The following KCNK2 variants were observed in gnomAD, a reference collection of about 807,000 sequenced individuals.
The protein encoded by KCNK2 is potassium two pore domain channel subfamily K member 2.
In KCNK2, 21 loss-of-function variants were observed where a neutral mutation model predicts 40.5. The observed-to-expected ratio is 0.52, with a 90% CI of 0.37 to 0.75. The LOEUF is 0.75. KCNK2 is among the 30% of genes least tolerant of loss of function. KCNK2 has a pLI of 0.00. For missense variants in KCNK2, 399 were observed against 531.6 expected, an observed-to-expected ratio of 0.75 and a Z score of 2.45; for synonymous variants, 191 against 202.2, an observed-to-expected ratio of 0.94 and a Z score of 0.47.
chr1:215,067,698 T>C (rs954960143), intron 1 of KCNK2, among the ~76,000 whole-genome samples: 8 of 152,010 alleles, frequency 5.3e-5, no homozygotes, highest in African/African-American at 1.2e-4. Context: ...ACCCCGTCTC[T>C]ACTAAAAAAA....
At chr1:215,007,131 G>GTGTATATATATATGTATGTATATATGTA (rs1256397862) in intron 1 of KCNK2, among the ~76,000 whole-genome samples, 1 of 114,930 alleles carries the variant, frequency 8.7e-6, no homozygotes, top group East Asian at 2.5e-4. Flanking sequence ...GTATATATAT[G>GTGTATATATATATGTATGTATATATGTA]TGTATATATA....
chr1:215,172,683 G>A (rs141233765), intron 5 of KCNK2, among the ~76,000 whole-genome samples: 5 of 152,090 alleles, frequency 3.3e-5, no homozygotes, highest in African/African-American at 1.2e-4. Context: ...TTGAGATAGA[G>A]TCTTGCTCTG....
At chr1:215,009,253 G>A (rs1259407786) in intron 1 of KCNK2, among the ~76,000 whole-genome samples, 4 of 152,032 alleles carry the variant, frequency 2.6e-5, no homozygotes, top group Non-Finnish European at 5.9e-5. Context: ...AAGCACTTGG[G>A]CAGAACCACC....
At chr1:215,204,139 C>T (rs1665209503) in intron 6 of KCNK2, among the ~76,000 whole-genome samples, 1 of 146,752 alleles carries the variant, frequency 6.8e-6, no homozygotes, top group Non-Finnish European at 1.5e-5. Flanking sequence ...ATTAGACCCA[C>T]ACATTTTCTA....
At chr1:215,176,241 A>T (rs1027624058) in intron 5 of KCNK2, among the ~76,000 whole-genome samples, 3 of 152,106 alleles carry the variant, frequency 2.0e-5, no homozygotes, top group African/African-American at 7.2e-5. Flanking sequence ...TTCTCTGATG[A>T]TTAGTGATGT....
intron 6 of KCNK2, among the ~76,000 whole-genome samples, chr1:215,201,292 A>G (rs1665070965): frequency 6.6e-6 from 1 of 152,210 alleles, no homozygotes; most frequent in African/African-American, 2.4e-5. Context: ...GGCTAACATA[A>G]TAACATAAAA....
intron 1 of KCNK2, among the ~76,000 whole-genome samples, chr1:215,013,745 T>C (rs997894340): frequency 6.6e-5 from 10 of 152,210 alleles, no homozygotes; most frequent in Non-Finnish European, 1.2e-4. Flanking sequence ...TAAATATATG[T>C]TGGATTGATT....
intron 3 of KCNK2, among the ~76,000 whole-genome samples, chr1:215,125,218 CT>C (rs912050481): frequency 6.6e-6 from 1 of 151,318 alleles, no homozygotes; most frequent in Non-Finnish European, 1.5e-5. Context: ...TACTTCAGGG[CT>C]TTTTTTTTAT....
rs751828549 is a variant in KCNK2, at chr1:215,234,878, C to T, written c.1014C>T (p.Ala338=). Reference sequence around the variant, plus strand: ...CTGAGTGGACAGCCAACGTCACAGCCGAATTCAAAGAAACCAGGAGGCGAC... The same window carrying T: ...CTGAGTGGACAGCCAACGTCACAGCTGAATTCAAAGAAACCAGGAGGCGAC... ...HAAEWTANVT[A]EFKETRRRLS... The change falls in exon 7 of 7, where the codon GCC becomes GCT. Residue 338 remains alanine (A), a synonymous_variant. Transcript: ENST00000444842. 3.8e-5 allele frequency: 62 copies of T among 1,613,952 alleles called. No homozygotes were observed. In the South Asian group the frequency reaches 4.3e-4, roughly 11 times the overall value.
chr1:215,210,281 C>G (rs1369268819), intron 6 of KCNK2, among the ~76,000 whole-genome samples: 1 of 151,206 alleles, frequency 6.6e-6, no homozygotes, highest in Non-Finnish European at 1.5e-5. Flanking sequence ...TTAACTTAAA[C>G]ACAACTTTGG....
chr1:215,079,337 A>C (rs1166582521), upstream of KCNK2, among the ~76,000 whole-genome samples: 7 of 152,176 alleles, frequency 4.6e-5, no homozygotes, highest in Non-Finnish European at 1.0e-4. Context: ...TTCAGGCTGT[A>C]CAGGCAGCAT....
At chr1:215,060,366 ATCC>A (rs1395534703) in intron 1 of KCNK2, among the ~76,000 whole-genome samples, 1 of 152,210 alleles carries the variant, frequency 6.6e-6, no homozygotes, top group Admixed American at 6.5e-5. Flanking sequence ...AGTTGATTCT[ATCC>A]TCCTGCCACC....
intron 1 of KCNK2, among the ~76,000 whole-genome samples, chr1:215,007,027 A>ATGTGTGTG (rs1398954474): frequency 1.2e-4 from 7 of 56,160 alleles, no homozygotes; most frequent in South Asian, 4.3e-4. Context: ...ATATATATAT[A>ATGTGTGTG]TATATATATA....
intron 3 of KCNK2, among the ~76,000 whole-genome samples, chr1:215,168,102 A>T (rs1012022673): frequency 5.3e-5 from 8 of 152,230 alleles, no homozygotes; most frequent in African/African-American, 1.4e-4. Flanking sequence ...GCCAAAAAAC[A>T]TATGAAAAAC....
At chr1:215,214,078 G>A (rs1665857559) in intron 6 of KCNK2, among the ~76,000 whole-genome samples, 1 of 152,032 alleles carries the variant, frequency 6.6e-6, no homozygotes, top group African/African-American at 2.4e-5. Context: ...TTTATCCATG[G>A]TTGGCGTCGT....
At chr1:215,165,622 C>T (rs949059661) in intron 3 of KCNK2, among the ~76,000 whole-genome samples, 1 of 152,060 alleles carries the variant, frequency 6.6e-6, no homozygotes, top group African/African-American at 2.4e-5. Flanking sequence ...GCACTTTTCA[C>T]ATAGTACTTT....
In KCNK2 at chr1:215,086,349, C is replaced by T. The variant is rs760014648; in HGVS notation, c.47-19C>T. ...TTCTCATCTCCTCCAACCTAACCCT[C>T]ATTCTCTGTTGTTGTCAGTGGCGGC... On this transcript the variant is annotated intron_variant, in intron 1 of 6. Transcript: ENST00000444842. 2 of 1,604,974 alleles carry T rather than the reference C, an allele frequency of 1.2e-6. No individual in the cohort carries two copies. The highest frequency in any genetic ancestry group is 2.2e-5 in the East Asian group (1 of 44,830).
At chr1:215,035,217 G>A (rs1433371799) in intron 1 of KCNK2, among the ~76,000 whole-genome samples, 1 of 152,084 alleles carries the variant, frequency 6.6e-6, no homozygotes. Context: ...ACATTTGTAA[G>A]AGTTGTTTGT....
Position 215,235,349 on chromosome 1 carries a change from A to C in KCNK2, c.*204A>C. ...TCTGATGATGCTTGTTGAACGGTCC[A>C]CTTTCTTTGATGAGTGGAATGACAA... is the stretch of plus-strand genomic sequence containing the variant. On this transcript the variant is annotated 3_prime_UTR_variant, in exon 7 of 7. Coordinates refer to ENST00000444842, the MANE Select transcript of KCNK2 (RefSeq NM_001017425.3). 1 of 507,348 alleles carries C rather than the reference A, an allele frequency of 2.0e-6. No homozygotes were observed. The highest frequency in any genetic ancestry group is 3.5e-5 in the South Asian group (1 of 28,626). 31.4% of individuals were successfully genotyped at this position (507,348 alleles called of 1,614,324 possible). A position where few individuals can be genotyped will look rare whatever the true frequency, so the allele number is the denominator to read the frequency against.
Sources: gnomAD v4.1 joint callset for allele counts (sites outside exome capture counted in the v4.1 genomes callset) on GRCh38, gnomAD v4.1.1 for gene constraint, MANE v1.5 for transcripts, NCBI Gene and HGNC (gene_info 2026-07-23, HGNC 2026-07-21) for gene names.